LRRC7: variants seen among roughly 807,000 people sequenced by gnomAD.
The protein encoded by LRRC7 is leucine-rich repeat-containing protein 7.
A neutral mutation model predicts 175.7 loss-of-function variants in LRRC7; 23 were observed. The observed-to-expected ratio is 0.13, with a 90% CI of 0.09 to 0.19. The LOEUF (loss-of-function observed/expected upper bound fraction) is 0.19, where lower values mean the gene tolerates loss of function less well. LRRC7 is among the 10% of genes least tolerant of loss of function. The pLI is 1.00. For missense variants in LRRC7, 1,354 were observed against 1,904.7 expected (o/e 0.71, Z 5.38); for synonymous variants, 685 against 680.9 (o/e 1.01, Z -0.09).
At chr1:70,111,944 A>T (rs1665554059) in intron 26 of LRRC7, among the ~76,000 whole-genome samples, 1 of 152,186 alleles carries the variant, frequency 6.6e-6, no homozygotes, top group Non-Finnish European at 1.5e-5. Flanking sequence ...GAGATATATA[A>T]ATAAGGTACT....
At chr1:69,904,205 A>G (rs1362377577) in intron 7 of LRRC7, among the ~76,000 whole-genome samples, 1 of 152,204 alleles carries the variant, frequency 6.6e-6, no homozygotes, top group African/African-American at 2.4e-5. Flanking sequence ...GTGTGGAGTC[A>G]TAAACAAGTT....
chr1:70,086,223 A>G (rs1223897568), intron 24 of LRRC7, among the ~76,000 whole-genome samples: 1 of 152,058 alleles, frequency 6.6e-6, no homozygotes, highest in Non-Finnish European at 1.5e-5. Context: ...TCCTGGTCTC[A>G]AGTGATCCTC....
chr1:69,843,093 G>A (rs1274089765), intron 7 of LRRC7, among the ~76,000 whole-genome samples: 2 of 152,052 alleles, frequency 1.3e-5, no homozygotes, highest in Non-Finnish European at 2.9e-5. Context: ...CAGCTACTCA[G>A]GAGGCTGAGG....
intron 1 of LRRC7, among the ~76,000 whole-genome samples, chr1:69,630,700 A>G (rs1193906594): frequency 1.3e-5 from 2 of 151,886 alleles, no homozygotes; most frequent in Non-Finnish European, 2.9e-5. Context: ...CCTATTTTCT[A>G]TCTTTTACCC....
rs572611336 is a variant in LRRC7 at position 69,702,693 on chromosome 1, G to T, written c.100+24215G>T. ...GAAGTATCCAATCAAGAATAAGTGTGGTAGAGAGGGGGACCTAAAAGACAA... is the reference window on the plus strand; with the variant it reads ...GAAGTATCCAATCAAGAATAAGTGTTGTAGAGAGGGGGACCTAAAAGACAA... On this transcript the variant is annotated intron_variant, in intron 2 of 26. Transcript: ENST00000651989. 7.9e-5 allele frequency among the ~76,000 whole-genome samples: 12 copies of T among 152,166 alleles called. 1 individual carries two copies. The South Asian group carries it at 8.3e-4, about 11-fold the overall frequency.
At chr1:69,679,436 A>C (rs1162937006) in intron 2 of LRRC7, among the ~76,000 whole-genome samples, 2 of 152,136 alleles carry the variant, frequency 1.3e-5, no homozygotes, top group East Asian at 3.9e-4. Flanking sequence ...CACTCATGGC[A>C]AATGAATTGT....
intron 1 of LRRC7, among the ~76,000 whole-genome samples, chr1:69,620,922 G>T (rs575811342): frequency 3.3e-4 from 50 of 152,148 alleles, no homozygotes; most frequent in Non-Finnish European, 6.2e-4. Context: ...TTTCACAGAA[G>T]TCTAGGTAAA....
At chr1:69,828,101 C>CAGTA (rs1183502175) in intron 5 of LRRC7, among the ~76,000 whole-genome samples, 4 of 152,058 alleles carry the variant, frequency 2.6e-5, no homozygotes, top group African/African-American at 4.8e-5. Context: ...TTTCAATAAT[C>CAGTA]AGTACTTCAT....
chr1:70,057,000 TG>T (rs142613992), intron 23 of LRRC7, among the ~76,000 whole-genome samples: 235 of 151,768 alleles, frequency 1.5e-3, no homozygotes, highest in African/African-American at 5.2e-3. Flanking sequence ...GCTTAAATGT[TG>T]GGGGGGGAAT....
chr1:69,604,633 T>G (rs970670957), intron 1 of LRRC7, among the ~76,000 whole-genome samples: 4 of 152,160 alleles, frequency 2.6e-5, no homozygotes, highest in South Asian at 2.1e-4. Flanking sequence ...GTGGTGTTTT[T>G]GGCATCATTT....
chr1:69,819,577 C>CTGTGTGTGTGTGTG (rs71071379), intron 4 of LRRC7, among the ~76,000 whole-genome samples: 66 of 114,966 alleles, frequency 5.7e-4, no homozygotes, highest in Middle Eastern at 4.7e-3. Flanking sequence ...CTCTCTCTCT[C>CTGTGTGTGTGTGTG]TGTGTGTGTG....
chr1:69,697,417 G>A (rs1037465208), intron 2 of LRRC7, among the ~76,000 whole-genome samples: 1 of 152,178 alleles, frequency 6.6e-6, no homozygotes, highest in Non-Finnish European at 1.5e-5. Context: ...TGTATAGTAA[G>A]CACTTGCAAC....
intron 1 of LRRC7, among the ~76,000 whole-genome samples, chr1:69,666,554 G>T (rs1024616498): frequency 1.3e-5 from 2 of 151,980 alleles, no homozygotes; most frequent in African/African-American, 4.8e-5. Context: ...AAGGTTTTAT[G>T]TGTGTAGGAA....
intron 7 of LRRC7, among the ~76,000 whole-genome samples, chr1:69,882,042 C>G (rs1482817422): frequency 1.4e-5 from 2 of 147,110 alleles, no homozygotes; most frequent in Non-Finnish European, 3.0e-5. Context: ...AAAAAATAAC[C>G]CAGTTTACAA....
At chr1:69,659,136 CAAAT>C (rs974355471) in intron 1 of LRRC7, among the ~76,000 whole-genome samples, 7 of 151,970 alleles carry the variant, frequency 4.6e-5, no homozygotes, top group Non-Finnish European at 8.8e-5. Context: ...TCCCCACACT[CAAAT>C]GTCCTGCTGG....
chr1:70,114,589 G>A (rs998016700), intron 26 of LRRC7, among the ~76,000 whole-genome samples: 2 of 152,176 alleles, frequency 1.3e-5, no homozygotes, highest in African/African-American at 4.8e-5. Context: ...TCAAGAGGCT[G>A]AGGTAGGAGG....
At chr1:70,064,670 TTAC>T (rs1160786778) in intron 23 of LRRC7, among the ~76,000 whole-genome samples, 2 of 151,680 alleles carry the variant, frequency 1.3e-5, no homozygotes, top group East Asian at 3.9e-4. Flanking sequence ...GTTGTTGTTG[TTAC>T]ATTTTCAAAA....
chr1:69,653,076 A>C (rs12048977), intron 1 of LRRC7, among the ~76,000 whole-genome samples: 9,357 of 152,204 alleles, frequency 0.061, 315 homozygotes, highest in South Asian at 0.1. Context: ...CAGGGTCAAC[A>C]AAAGTAAGAA....
intron 4 of LRRC7, among the ~76,000 whole-genome samples, chr1:69,807,656 C>T (rs950855275): frequency 2.6e-5 from 4 of 152,174 alleles, no homozygotes; most frequent in East Asian, 1.9e-4. Flanking sequence ...TGGTTTCTGC[C>T]GAGGGATCCA....
Sources: allele counts gnomAD v4.1 joint callset (sites outside exome capture counted in the v4.1 genomes callset), GRCh38; gene constraint gnomAD v4.1.1; transcripts MANE v1.5; gene names NCBI Gene and HGNC (gene_info 2026-07-23, HGNC 2026-07-21).